PRPF39: variants seen among roughly 807,000 people sequenced by gnomAD.
The protein encoded by PRPF39 is pre-mRNA processing factor 39.
PRPF39 carries 27 observed loss-of-function variants against 82.1 expected under a neutral mutation model. The observed-to-expected ratio is 0.33, with a 90% CI of 0.24 to 0.45. The LOEUF is 0.45. PRPF39 is among the 20% of genes least tolerant of loss of function. PRPF39 has a pLI of 1.00. For synonymous variants in PRPF39, 261 were observed against 256.4 expected, an observed-to-expected ratio of 1.02 and a Z score of -0.17; for missense variants, 581 against 796.9, an observed-to-expected ratio of 0.73 and a Z score of 3.26.
At chr14:45,096,284 A>G in intron 3 of PRPF39, 56 bp downstream of exon 3, 1 of 1,522,970 alleles carries the variant, frequency 6.6e-7, no homozygotes. Context: ...CCAATTAATA[A>G]CAAAACAAAG....
At chr14:45,091,301 C>T (rs1194231885) in intron 1 of PRPF39, among the ~76,000 whole-genome samples, 1 of 152,110 alleles carries the variant, frequency 6.6e-6, no homozygotes, top group African/African-American at 2.4e-5. Context: ...CCACTGTGCC[C>T]AGCTAATTTT....
intron 1 of PRPF39, among the ~76,000 whole-genome samples, chr14:45,088,739 A>G (rs976351131): frequency 3.9e-5 from 6 of 152,232 alleles, no homozygotes; most frequent in Non-Finnish European, 8.8e-5. Flanking sequence ...AGCAGTGCAG[A>G]TGACATGCTT....
chr14:45,107,879 A>G (rs1884583988), intron 6 of PRPF39, among the ~76,000 whole-genome samples: 1 of 151,932 alleles, frequency 6.6e-6, no homozygotes, highest in Non-Finnish European at 1.5e-5. Flanking sequence ...CAGTGAGCTA[A>G]GATGGCACCA....
At chr14:45,102,457 T>C in intron 4 of PRPF39, 72 bp from the exon 5 acceptor site, 2 of 1,308,160 alleles carry the variant, frequency 1.5e-6, no homozygotes, top group Non-Finnish European at 1.0e-6. Context: ...CATTATCTTC[T>C]AAATTTAGAA....
intron 1 of PRPF39, among the ~76,000 whole-genome samples, chr14:45,086,174 C>G (rs1359165281): frequency 6.6e-6 from 1 of 152,144 alleles, no homozygotes; most frequent in African/African-American, 2.4e-5. Flanking sequence ...CTCCTGACTT[C>G]AGGTGATCTG....
chr14:45,100,922 A>T (rs2139051391), intron 4 of PRPF39, among the ~76,000 whole-genome samples: 1 of 152,204 alleles, frequency 6.6e-6, no homozygotes, highest in South Asian at 2.1e-4. Flanking sequence ...TTTTTTGCTT[A>T]TTCATTTATC....
chr14:45,096,459 G>C, intron 3 of PRPF39: 1 of 1,476,032 alleles, frequency 6.8e-7, no homozygotes, highest in Non-Finnish European at 9.1e-7. Context: ...AAGCTTTGCA[G>C]TGCAAGCCTC....
At chr14:45,092,672 T>A (rs1205230494) in intron 1 of PRPF39, among the ~76,000 whole-genome samples, 1 of 151,696 alleles carries the variant, frequency 6.6e-6, no homozygotes, top group Non-Finnish European at 1.5e-5. Context: ...ATCCAAAAGT[T>A]ATACTCTCCA....
At chr14:45,103,436 CTT>C (rs1884435526) in intron 5 of PRPF39, among the ~76,000 whole-genome samples, 1 of 151,754 alleles carries the variant, frequency 6.6e-6, no homozygotes, top group Non-Finnish European at 1.5e-5. Context: ...ATTGTATAAA[CTT>C]AGTATTTTCT....
chr14:45,084,997 G>A (rs1883775846), intron 1 of PRPF39, among the ~76,000 whole-genome samples: 1 of 151,960 alleles, frequency 6.6e-6, no homozygotes, highest in South Asian at 2.1e-4. Context: ...ATACTCATAT[G>A]GCCTTCTGTT....
Position 45,114,965 on chromosome 14 carries a change from T to A in PRPF39, c.*52T>A, listed in dbSNP as rs1055465978. On this transcript the variant is annotated 3_prime_UTR_variant, in exon 14 of 14. Transcript: ENST00000355765. ...GTGTGTGAAAAGTATGAAATTATTATTTTTTTTAATGAGGGATGTAAACAG... is the reference window on the plus strand; with the variant it reads ...GTGTGTGAAAAGTATGAAATTATTAATTTTTTTAATGAGGGATGTAAACAG... 2.1e-4 allele frequency: 285 copies of A among 1,351,938 alleles called. No individual in the cohort carries two copies. The highest frequency in any genetic ancestry group is 2.9e-4 in the Non-Finnish European group (278 of 949,816). 83.7% of individuals were successfully genotyped at this position (1,351,938 alleles called of 1,614,324 possible).
intron 7 of PRPF39, 32 bp downstream of exon 7, chr14:45,108,554 A>T (rs1223072494): frequency 3.2e-6 from 5 of 1,560,568 alleles, no homozygotes; most frequent in Non-Finnish European, 4.3e-6. Flanking sequence ...TAGTCTTTAA[A>T]ATACAAAGTA....
At chr14:45,086,596 A>AG (rs1883834709) in intron 1 of PRPF39, among the ~76,000 whole-genome samples, 1 of 152,194 alleles carries the variant, frequency 6.6e-6, no homozygotes, top group Non-Finnish European at 1.5e-5. Context: ...AATGGCAATG[A>AG]GGAGGAGTAT....
At chr14:45,109,099 A>G (rs547685395) in intron 7 of PRPF39, among the ~76,000 whole-genome samples, 2 of 152,322 alleles carry the variant, frequency 1.3e-5, no homozygotes, top group African/African-American at 2.4e-5. Flanking sequence ...CCCCAGTGCT[A>G]AGATACCACC....
rs752525607 is a variant in PRPF39, at chr14:45,114,198, T to C, written c.1773T>C (p.Tyr591=). Residue 591 remains tyrosine, a synonymous_variant, in exon 12 of 14, where the codon TAT becomes TAC. Coordinates refer to ENST00000355765, the MANE Select transcript of PRPF39 (RefSeq NM_017922.4). Reference sequence around the variant, plus strand: ...TTCCTTTCAGGCTTCTGAATGCTTATGATGAACATCAAACACTCCTGAAAG... The same window carrying C: ...TTCCTTTCAGGCTTCTGAATGCTTACGATGAACATCAAACACTCCTGAAAG... The part of the protein sequence containing the change: ...GSDVNKLLNA[Y]DEHQTLLKEQ... The C allele has an allele frequency of 3.1e-6, 5 of 1,596,812 alleles. No individual in the cohort carries two copies. The highest frequency in any genetic ancestry group is 3.4e-6 in the Non-Finnish European group (4 of 1,168,806).
chr14:45,110,368 C>A lies in PRPF39; in HGVS notation c.1303+148C>A, dbSNP rs942140336. On this transcript the variant is annotated intron_variant, in intron 9 of 13. Transcript: ENST00000355765. The surrounding 1 kb of genome is among the most constrained non-coding windows in gnomAD (Gnocchi z 4.0). ...AGATAGTAAAAGCCACGTGTTCTGA[C>A]TTTCAGGCTTTGTAAGCCATTGTAG... The A allele has an allele frequency of 7.7e-7, 1 of 1,305,308 alleles. No individual in the cohort carries two copies. The highest frequency in any genetic ancestry group is 1.0e-6 in the Non-Finnish European group (1 of 963,956). The allele number at this position is 1,305,308 out of a possible 1,614,324, so 80.9% of individuals were successfully genotyped here. A position where few individuals can be genotyped will look rare whatever the true frequency, so the allele number is the denominator to read the frequency against.
intron 4 of PRPF39, among the ~76,000 whole-genome samples, chr14:45,097,901 A>C (rs1040280244): frequency 6.6e-6 from 1 of 152,076 alleles, no homozygotes; most frequent in African/African-American, 2.4e-5. Context: ...CCTCCCTTCA[A>C]ATATTTTAGC....
rs138320022 is a variant in PRPF39, at chr14:45,107,632, C to G, written c.903+16C>G. ...TCCTGCAAAGGTAACCAGTCTTATT[C>G]TAAAGTTCGTCAGTGGCCAGGTATG... On this transcript the variant is annotated intron_variant, in intron 6 of 13. Coordinates refer to ENST00000355765, the MANE Select transcript of PRPF39 (RefSeq NM_017922.4). The G allele has an allele frequency of 3.6e-4, 553 of 1,548,336 alleles. 4 individuals carry two copies. In the African/African-American group the frequency reaches 7.1e-3, roughly 20 times the overall value.
In PRPF39 at chr14:45,114,972, T is replaced by A. The variant is rs960439862; in HGVS notation, c.*59T>A. The A allele has an allele frequency of 6.8e-6, 9 of 1,324,204 alleles. No individual in the cohort carries two copies. In the African/African-American group the frequency reaches 8.7e-5, roughly 13 times the overall value. 82.0% of individuals were successfully genotyped at this position (1,324,204 alleles called of 1,614,324 possible). A position where few individuals can be genotyped will look rare whatever the true frequency, so the allele number is the denominator to read the frequency against. On this transcript the variant is annotated 3_prime_UTR_variant, in exon 14 of 14. Transcript: ENST00000355765. The stretch of plus-strand genomic sequence containing the variant: ...AAAAGTATGAAATTATTATTTTTTT[T>A]AATGAGGGATGTAAACAGTATAAGC...
Sources: allele counts gnomAD v4.1 joint callset (sites outside exome capture counted in the v4.1 genomes callset), GRCh38; gene constraint gnomAD v4.1.1; non-coding constraint Gnocchi (gnomAD v3.1); transcripts MANE v1.5; gene names NCBI Gene and HGNC (gene_info 2026-07-23, HGNC 2026-07-21).